RANBP2: variants seen among roughly 807,000 people sequenced by gnomAD.
The protein encoded by RANBP2 is RAN binding protein 2.
RANBP2 carries 57 observed loss-of-function variants against 303.6 expected under a neutral mutation model. The observed-to-expected ratio is 0.19, with a 90% confidence interval of 0.15 to 0.23. RANBP2 has a LOEUF of 0.23. Ranked by LOEUF, RANBP2 falls within the 10% of genes least tolerant of loss-of-function variation. RANBP2 has a pLI of 1.00. For missense variants in RANBP2, 3,138 were observed against 3,780.8 expected (o/e 0.83, Z 4.46); for synonymous variants, 1,167 against 1,301.5 (o/e 0.90, Z 2.23).
At chr2:108,897,232 A>G in the RANBP2 span, 3 of 1,613,510 alleles carry the variant, frequency 1.9e-6, no homozygotes, top group Non-Finnish European at 2.5e-6. Context: ...GCTAAGACCT[A>G]CAGACACCAA....
the RANBP2 span, among the ~76,000 whole-genome samples, chr2:109,688,409 G>A: frequency 0.21 from 32,586 of 152,106 alleles, 4,331 homozygotes; most frequent in Admixed American, 0.29. Flanking sequence ...CGCGACCCCT[G>A]CAGTCCCCTG....
chr2:108,722,228 A>G (rs1008035064), intron 1 of RANBP2, among the ~76,000 whole-genome samples: 11 of 152,190 alleles, frequency 7.2e-5, no homozygotes, highest in African/African-American at 2.4e-4. Flanking sequence ...AGGATTGGTT[A>G]TTATGACACC....
At chr2:108,968,951 C>G in the RANBP2 span, among the ~76,000 whole-genome samples, 1 of 152,340 alleles carries the variant, frequency 6.6e-6, no homozygotes, top group Middle Eastern at 3.4e-3. Flanking sequence ...TAAGACTTCA[C>G]TGCTCTGTGG....
the RANBP2 span, among the ~76,000 whole-genome samples, chr2:108,891,624 T>C: frequency 6.6e-5 from 10 of 152,216 alleles, no homozygotes; most frequent in Non-Finnish European, 1.2e-4. Flanking sequence ...TTGGCAGTTA[T>C]TTGGCAGGCT....
the RANBP2 span, among the ~76,000 whole-genome samples, chr2:108,796,572 T>G: frequency 2.0e-5 from 3 of 151,996 alleles, no homozygotes; most frequent in Non-Finnish European, 4.4e-5. Flanking sequence ...AAATATGGAG[T>G]CAGTCTCAGT....
At chr2:108,816,862 T>G in the RANBP2 span, among the ~76,000 whole-genome samples, 2 of 152,104 alleles carry the variant, frequency 1.3e-5, no homozygotes, top group African/African-American at 4.8e-5. Context: ...CCAGCTAATT[T>G]TTAAAAAAAA....
the RANBP2 span, among the ~76,000 whole-genome samples, chr2:109,296,975 C>A: frequency 6.6e-6 from 1 of 152,106 alleles, no homozygotes; most frequent in Admixed American, 6.5e-5. Flanking sequence ...TAGTGATTTA[C>A]CTATTTCCTC....
At chr2:109,056,370 T>A in the RANBP2 span, among the ~76,000 whole-genome samples, 12 of 151,934 alleles carry the variant, frequency 7.9e-5, no homozygotes, top group African/African-American at 2.4e-4. Flanking sequence ...AGTCTCATTA[T>A]GCTGCTTAGG....
the RANBP2 span, among the ~76,000 whole-genome samples, chr2:109,602,629 C>T: frequency 2.0e-5 from 3 of 149,506 alleles, no homozygotes; most frequent in East Asian, 2.0e-4. Context: ...GAGCCGAGAT[C>T]GCACCATTGC....
At chr2:109,347,874 G>A in the RANBP2 span, 2,238 of 1,612,872 alleles carry the variant, frequency 1.4e-3, 6 homozygotes, top group Non-Finnish European at 1.7e-3. Context: ...CACACGCCCC[G>A]CCCCAGGGAA....
chr2:109,168,565 T>A, the RANBP2 span, among the ~76,000 whole-genome samples: 1 of 152,238 alleles, frequency 6.6e-6, no homozygotes, highest in Non-Finnish European at 1.5e-5. Flanking sequence ...TTCCTACTTC[T>A]AATCTTCGGA....
At chr2:109,537,950 AAC>A in the RANBP2 span, among the ~76,000 whole-genome samples, 18 of 151,988 alleles carry the variant, frequency 1.2e-4, no homozygotes, top group East Asian at 3.3e-3. Flanking sequence ...CCTGTCTCAA[AAC>A]ACACACACAC....
the RANBP2 span, chr2:108,812,671 A>T: frequency 1.2e-5 from 20 of 1,612,666 alleles, no homozygotes; most frequent in Non-Finnish European, 1.7e-5. Flanking sequence ...ATAGACATTC[A>T]GGCTAAAAGA....
At chr2:109,574,807 G>C in the RANBP2 span, 1 of 1,419,828 alleles carries the variant, frequency 7.0e-7, no homozygotes, top group South Asian at 1.6e-5. Flanking sequence ...CATTATTTGT[G>C]CTACCTTAAG....
intron 1 of RANBP2, among the ~76,000 whole-genome samples, chr2:108,723,641 C>T (rs184674223): frequency 3.9e-5 from 6 of 152,022 alleles, no homozygotes; most frequent in African/African-American, 9.7e-5. Context: ...TTTGGTTTGC[C>T]CCTCATTCTT....
At chr2:109,327,815 A>G in the RANBP2 span, among the ~76,000 whole-genome samples, 1 of 152,250 alleles carries the variant, frequency 6.6e-6, no homozygotes, top group Non-Finnish European at 1.5e-5. Context: ...ACATATACAT[A>G]CCACTTCCCA....
At chr2:109,508,515 T>C in the RANBP2 span, among the ~76,000 whole-genome samples, 12 of 151,502 alleles carry the variant, frequency 7.9e-5, no homozygotes, top group Non-Finnish European at 1.3e-4. Context: ...GAAAATGAGA[T>C]ATAAAAACTG....
the RANBP2 span, among the ~76,000 whole-genome samples, chr2:109,121,119 G>T: frequency 1.3e-5 from 2 of 152,102 alleles, no homozygotes; most frequent in Non-Finnish European, 2.9e-5. Flanking sequence ...AAGGTGGCAG[G>T]CGCCTGTAGT....
chr2:109,320,224 T>C, the RANBP2 span, among the ~76,000 whole-genome samples: 2 of 152,134 alleles, frequency 1.3e-5, no homozygotes, highest in Admixed American at 6.5e-5. Context: ...TCTAATTCCA[T>C]TTTTGAGGGC....
Sources: allele counts gnomAD v4.1 joint callset (sites outside exome capture counted in the v4.1 genomes callset), GRCh38; gene constraint gnomAD v4.1.1; transcripts MANE v1.5; gene names NCBI Gene and HGNC (gene_info 2026-07-23, HGNC 2026-07-21).